ALMS1: variants seen among roughly 807,000 people sequenced by gnomAD.
The protein encoded by ALMS1 is ALMS1 centrosome and basal body associated protein.
In ALMS1, 271 loss-of-function variants were observed where a neutral mutation model predicts 352.2. That is an observed-to-expected ratio of 0.77 (90% CI 0.70 to 0.85). The LOEUF (loss-of-function observed/expected upper bound fraction) is 0.85. Ranked by LOEUF, ALMS1 falls within the 40% of genes least tolerant of loss-of-function variation. ALMS1 has a pLI of 0.00. For synonymous variants in ALMS1, 1,865 were observed against 1,761.2 expected, an observed-to-expected ratio of 1.06 and a Z score of -1.48; for missense variants, 5,445 against 4,870.7, an observed-to-expected ratio of 1.12 and a Z score of -3.51.
chr2:73,444,816 G>A (rs1333375977), intron 7 of ALMS1, among the ~76,000 whole-genome samples: 2 of 152,136 alleles, frequency 1.3e-5, no homozygotes, highest in Non-Finnish European at 2.9e-5. Flanking sequence ...GTTTAGTTAT[G>A]AGAGAATATA....
At position 73,568,424 on chromosome 2, in the gene ALMS1, C is replaced by T. The variant is rs185434274; in HGVS notation, c.10385-3838C>T. 1.7e-4 allele frequency among the ~76,000 whole-genome samples: 26 copies of T among 152,160 alleles called. 1 individual carries two copies. The highest frequency in any genetic ancestry group is 6.6e-4 in the Admixed American group (10 of 15,260). On this transcript the variant is annotated intron_variant, in intron 15 of 22. Coordinates refer to ENST00000613296, the MANE Select transcript of ALMS1 (RefSeq NM_001378454.1). ...AAAATAAAATGAAGCTACACATAAA[C>T]GCACAAACAAATGTTCACTGCAGCA...
intron 7 of ALMS1, among the ~76,000 whole-genome samples, chr2:73,442,839 T>C (rs1671744587): frequency 2.0e-5 from 3 of 152,224 alleles, no homozygotes; most frequent in Admixed American, 1.3e-4. Context: ...CAAATGTTTG[T>C]ATCTGACTAC....
intron 10 of ALMS1, among the ~76,000 whole-genome samples, chr2:73,518,557 G>C (rs933601568): frequency 4.6e-5 from 7 of 152,118 alleles, no homozygotes; most frequent in Admixed American, 3.3e-4. Flanking sequence ...TTCTACAATG[G>C]TTGAACTAAT....
chr2:73,565,559 C>T (rs922327992), intron 15 of ALMS1, among the ~76,000 whole-genome samples: 4 of 152,080 alleles, frequency 2.6e-5, no homozygotes, highest in African/African-American at 4.8e-5. Context: ...TAATGGGTTG[C>T]ACATAGTAAC....
intron 9 of ALMS1, among the ~76,000 whole-genome samples, chr2:73,480,180 C>T (rs1343325621): frequency 1.3e-5 from 2 of 151,996 alleles, no homozygotes; most frequent in African/African-American, 4.8e-5. Context: ...CACCCACTAA[C>T]TTGTCATCTA....
At chr2:73,519,586 G>A (rs1673629305) in intron 10 of ALMS1, among the ~76,000 whole-genome samples, 189 bp from the exon 11 acceptor site, 1 of 152,178 alleles carries the variant, frequency 6.6e-6, no homozygotes, top group Admixed American at 6.5e-5. Context: ...GTAAACATGT[G>A]TGATAACATT....
intron 7 of ALMS1, among the ~76,000 whole-genome samples, chr2:73,445,365 C>T (rs1405003883): frequency 2.0e-5 from 3 of 151,936 alleles, no homozygotes; most frequent in Non-Finnish European, 4.4e-5. Context: ...ATTTTTGTAC[C>T]CATTAACCAT....
In ALMS1 at chr2:73,451,174, A is replaced by G. The variant is rs564445910; in HGVS notation, c.4647A>G (p.Arg1549=). The G allele has an allele frequency of 6.2e-7, 1 of 1,613,874 alleles. No individual in the cohort carries two copies. Among genetic ancestry groups the G allele is most frequent in the East Asian group, 2.2e-5 (1 of 44,862 alleles). Residue 1549 remains arginine, a synonymous_variant, in exon 8 of 23, where the codon AGA becomes AGG. Transcript: ENST00000613296. ...GTCAAATACCTGAAGAGGCTCTCAG[A>G]GTTTCTTCTGCTCCTGGACCAGCTG... The part of the protein sequence containing the change: ...LGSQIPEEAL[R]VSSAPGPADQ...
chr2:73,585,088 G>C (rs143930023), intron 16 of ALMS1, among the ~76,000 whole-genome samples: 6,352 of 152,208 alleles, frequency 0.042, 318 homozygotes, highest in Admixed American at 0.1. Flanking sequence ...CTATAAACAT[G>C]CATGTGCAAG....
intron 10 of ALMS1, among the ~76,000 whole-genome samples, chr2:73,495,106 A>AT (rs2103907025): frequency 6.6e-6 from 1 of 152,178 alleles, no homozygotes; most frequent in Non-Finnish European, 1.5e-5. Flanking sequence ...CAATGCTACC[A>AT]TTACTGTTTT....
At chr2:73,505,634 G>T (rs1343312093) in intron 10 of ALMS1, among the ~76,000 whole-genome samples, 1 of 151,978 alleles carries the variant, frequency 6.6e-6, no homozygotes, top group Non-Finnish European at 1.5e-5. Flanking sequence ...AAGTTTCCTT[G>T]ATTTTTGTTC....
At chr2:73,396,362 T>C (rs1389154820) in intron 1 of ALMS1, among the ~76,000 whole-genome samples, 1 of 151,900 alleles carries the variant, frequency 6.6e-6, no homozygotes, top group Non-Finnish European at 1.5e-5. Flanking sequence ...TTTAGAGTTA[T>C]TCCATCTATA....
chr2:73,478,085 A>G (rs1418884623), intron 9 of ALMS1, among the ~76,000 whole-genome samples: 2 of 152,128 alleles, frequency 1.3e-5, no homozygotes, highest in Non-Finnish European at 2.9e-5. Context: ...ATTCGGTATT[A>G]TGTTAGCGCT....
chr2:73,407,894 T>A (rs775895800), intron 1 of ALMS1, among the ~76,000 whole-genome samples: 3 of 152,200 alleles, frequency 2.0e-5, no homozygotes, highest in Non-Finnish European at 4.4e-5. Context: ...TGAGATACTA[T>A]TTTAAAGTCC....
At chr2:73,594,611 G>A (rs1183980828) in intron 16 of ALMS1, among the ~76,000 whole-genome samples, 1 of 152,162 alleles carries the variant, frequency 6.6e-6, no homozygotes, top group Non-Finnish European at 1.5e-5. Flanking sequence ...CACCTCTCAC[G>A]TGCTACTTAT....
intron 10 of ALMS1, among the ~76,000 whole-genome samples, chr2:73,495,343 A>G (rs533291261): frequency 6.6e-6 from 1 of 151,850 alleles, no homozygotes; most frequent in Admixed American, 6.6e-5. Context: ...CAAGCAATTC[A>G]CCTGCCTCAG....
intron 10 of ALMS1, among the ~76,000 whole-genome samples, chr2:73,498,828 G>A (rs1673163926): frequency 6.6e-6 from 1 of 152,076 alleles, no homozygotes; most frequent in South Asian, 2.1e-4. Context: ...GGACACATAG[G>A]CTGCTTCCGA....
At chr2:73,406,169 G>A (rs1351724809) in intron 1 of ALMS1, among the ~76,000 whole-genome samples, 1 of 152,162 alleles carries the variant, frequency 6.6e-6, no homozygotes, top group Non-Finnish European at 1.5e-5. Context: ...TTTGCTTTAA[G>A]TATTTAGGAG....
chr2:73,453,936 A>T lies in ALMS1; in HGVS notation c.7409A>T (p.Asp2470Val). 6.8e-6 allele frequency: 11 copies of T among 1,614,022 alleles called. No individual in the cohort carries two copies. The highest frequency in any genetic ancestry group is 6.8e-6 in the Non-Finnish European group (8 of 1,179,988). The change falls in exon 8 of 23, where the codon GAT (aspartate) becomes GTT (valine). Residue 2470 changes from aspartate to valine, a missense_variant. Asp to Val is a radical substitution (Grantham distance 152, BLOSUM62 -3). Coordinates refer to ENST00000613296, the MANE Select transcript of ALMS1 (RefSeq NM_001378454.1). ...GAAGAGGGTGTGTCAGAGAGTGAGG[A>T]TGGTGGTGGTAGCAGTGTAGATTCA... ...REEEGVSESEDGGGSSVDSLA... is the reference protein window; with the variant it reads ...REEEGVSESEVGGGSSVDSLA...
Sources: gnomAD v4.1 joint callset for allele counts (sites outside exome capture counted in the v4.1 genomes callset) on GRCh38, gnomAD v4.1.1 for gene constraint, MANE v1.5 for transcripts, NCBI Gene and HGNC (gene_info 2026-07-23, HGNC 2026-07-21) for gene names.